SPTB: variants seen among roughly 807,000 people sequenced by gnomAD.
SPTB encodes the protein spectrin beta chain, erythrocytic.
A neutral mutation model predicts 256.2 loss-of-function variants in SPTB; 45 were observed. The ratio of observed to expected loss-of-function variants is 0.18; its 90% CI spans 0.14 to 0.23. SPTB has a LOEUF of 0.23. Ranked by LOEUF, SPTB falls within the 10% of genes least tolerant of loss-of-function variation. The pLI, the probability that SPTB is intolerant of heterozygous loss-of-function variation, is 1.00. For synonymous variants in SPTB, 1,231 were observed against 1,243.1 expected, an observed-to-expected ratio of 0.99 and a Z score of 0.21; for missense variants, 2,715 against 3,040.4, an observed-to-expected ratio of 0.89 and a Z score of 2.52.
chr14:64,749,030 G>A lies in SPTB; in HGVS notation c.*276C>T, dbSNP rs1447033362. ...AGGAGGGCGTGTGCCTCAGAGAACC[G>A]TTTCCTGCCCCCAGGCCTGGAGGCC... On this transcript the variant is annotated 3_prime_UTR_variant, in exon 36 of 36. Transcript: ENST00000644917. This position sits in a 1 kb window ranked among gnomAD's most constrained non-coding sequence, Gnocchi z 4.7. 3 of 352,954 alleles carry A rather than the reference G, an allele frequency of 8.5e-6. No individual in the cohort carries two copies. Among genetic ancestry groups the A allele is most frequent in the Non-Finnish European group, 1.6e-5 (3 of 193,402 alleles). 21.9% of individuals were successfully genotyped at this position (352,954 alleles called of 1,614,324 possible).
chr14:64,776,804 T>G (rs1401567075), intron 22 of SPTB, among the ~76,000 whole-genome samples: 3 of 152,184 alleles, frequency 2.0e-5, no homozygotes, highest in Admixed American at 2.0e-4. Flanking sequence ...GTACTTACAT[T>G]TAAAGTCTTC....
Position 64,772,804 on chromosome 14 carries a change from C to T in SPTB, c.5329G>A (p.Glu1777Lys), listed in dbSNP as rs763816993. 3.1e-6 allele frequency: 5 copies of T among 1,613,982 alleles called. No homozygotes were observed. The highest frequency in any genetic ancestry group is 1.1e-5 in the South Asian group (1 of 91,090). ...TIAEWKDGLN[E>K]MWADLLELID... ...AGCTCCAGGAGGTCTGCCCACATCT[C>T]GTTCAGCCCGTCCTTCCACTCGGCG... Residue 1777 changes from glutamate to lysine, a missense_variant, in exon 26 of 36, where the codon GAG becomes AAG. By Grantham distance (56) the Glu-to-Lys change is moderately conservative. Coordinates refer to ENST00000644917, the MANE Select transcript of SPTB (RefSeq NM_001355436.2). The surrounding 1 kb of genome is among the most constrained non-coding windows in gnomAD (Gnocchi z 5.4).
chr14:64,847,886 C>A lies in SPTB; in HGVS notation c.-51-24741G>T, dbSNP rs2083717386. On this transcript the variant is annotated intron_variant, in intron 1 of 35. Coordinates refer to ENST00000644917, the MANE Select transcript of SPTB (RefSeq NM_001355436.2). This position sits in a 1 kb window ranked among gnomAD's most constrained non-coding sequence, Gnocchi z 5.9. ...CCATCCGGAGTGAGACAAAGGGAGG[C>A]ACTCCACACCTCCGCTTCCTCCACT... Among the ~76,000 whole-genome samples the A allele has an allele frequency of 6.6e-6, 1 of 152,136 alleles. No individual in the cohort carries two copies. Among genetic ancestry groups the A allele is most frequent in the Non-Finnish European group, 1.5e-5 (1 of 68,012 alleles).
chr14:64,879,318 C>T (rs949303521), intron 1 of SPTB, among the ~76,000 whole-genome samples: 1 of 152,192 alleles, frequency 6.6e-6, no homozygotes, highest in African/African-American at 2.4e-5. Context: ...CCGAGGAGAG[C>T]GCAGCCAAGT....
intron 2 of SPTB, among the ~76,000 whole-genome samples, chr14:64,817,674 G>A (rs1239010590): frequency 1.3e-5 from 2 of 152,226 alleles, no homozygotes; most frequent in Non-Finnish European, 2.9e-5. Flanking sequence ...CTAGGCAACT[G>A]GGGCACCTGA....
At chr14:64,837,635 C>G (rs1229569743) in intron 1 of SPTB, among the ~76,000 whole-genome samples, 1 of 152,096 alleles carries the variant, frequency 6.6e-6, no homozygotes, top group Non-Finnish European at 1.5e-5. Flanking sequence ...GAGTTTTGCT[C>G]TTGTTGCCCA....
intron 2 of SPTB, among the ~76,000 whole-genome samples, chr14:64,814,798 G>A (rs759171676): frequency 5.3e-5 from 8 of 152,226 alleles, no homozygotes; most frequent in African/African-American, 9.7e-5. Context: ...GAGCCACTGC[G>A]TCCAGCTCCT....
At chr14:64,783,688 T>G (rs1048649404) in intron 19 of SPTB, among the ~76,000 whole-genome samples, 4 of 152,210 alleles carry the variant, frequency 2.6e-5, no homozygotes, top group African/African-American at 9.7e-5. Flanking sequence ...TGCTTTTTCA[T>G]GGACAGCCAT....
chr14:64,804,383 C>T (rs1444901061), intron 3 of SPTB, among the ~76,000 whole-genome samples: 2 of 152,200 alleles, frequency 1.3e-5, no homozygotes, highest in Admixed American at 6.5e-5. Context: ...GTATCATTGC[C>T]CTCATTTTAC....
intron 33 of SPTB, among the ~76,000 whole-genome samples, chr14:64,751,369 C>T (rs1168989360): frequency 6.6e-6 from 1 of 152,092 alleles, no homozygotes; most frequent in Non-Finnish European, 1.5e-5. Context: ...ATCCACCCAC[C>T]TCAGCCTCCC....
intron 1 of SPTB, among the ~76,000 whole-genome samples, chr14:64,878,989 T>C (rs1220013029): frequency 1.3e-5 from 2 of 152,192 alleles, no homozygotes; most frequent in East Asian, 1.9e-4. Context: ...GCCTGGGAAG[T>C]ACGGATGAGT....
At chr14:64,867,859 CAAAAAAAAAAAA>C (rs35825614) in intron 1 of SPTB, among the ~76,000 whole-genome samples, 3 of 124,078 alleles carry the variant, frequency 2.4e-5, no homozygotes, top group Admixed American at 1.5e-4. Flanking sequence ...GACTCTGTCT[CAAAAAAAAAAAA>C]AAAAAAAAAA....
chr14:64,763,672 A>C, intron 32 of SPTB: 1 of 513,404 alleles, frequency 1.9e-6, no homozygotes, highest in South Asian at 1.4e-5. Flanking sequence ...TAAGGACTAG[A>C]ACCCAGATGT....
intron 1 of SPTB, among the ~76,000 whole-genome samples, chr14:64,870,715 G>T (rs555495302): frequency 1.1e-4 from 16 of 152,366 alleles, no homozygotes; most frequent in Admixed American, 8.5e-4. Flanking sequence ...TATTAAAATT[G>T]CATGGACGGG....
Position 64,797,208 on chromosome 14 carries a change from C to T in SPTB, c.1183-493G>A, listed in dbSNP as rs189014160. Among the ~76,000 whole-genome samples the T allele has an allele frequency of 2.1e-3, 315 of 152,162 alleles. 2 individuals carry two copies. The highest frequency in any genetic ancestry group is 5.2e-3 in the East Asian group (27 of 5,180). ...GACTCGGAGGCTGGGTGTGATGGCT[C>T]ACACGTGTAATCTCAGCACTTTGGG... On this transcript the variant is annotated intron_variant, in intron 10 of 35. Transcript: ENST00000644917.
At position 64,769,054 on chromosome 14, in the gene SPTB, C is replaced by G; in HGVS notation, c.6002G>C (p.Arg2001Pro). Residue 2001 changes from arginine (R) to proline (P), a missense_variant, in exon 29 of 36, where the codon CGC becomes CCC. By Grantham distance (103) the Arg-to-Pro change is moderately radical. Around this residue, in one of 4 missense-constraint regions of SPTB, gnomAD observed 2,239 missense variants for 2,384.4 expected, o/e 0.94. Coordinates refer to ENST00000644917, the MANE Select transcript of SPTB (RefSeq NM_001355436.2). ...RKEMNEKWEA[R>P]WERLRMLLEV... ...CTCACACATGCGGAGCCGCTCCCAG[C>G]GGGCTTCCCACTTCTCATTCATCTC... The G allele has an allele frequency of 6.2e-7, 1 of 1,613,460 alleles. No individual in the cohort carries two copies.
intron 32 of SPTB, chr14:64,756,194 GTC>G (rs1451509448): frequency 6.6e-6 from 1 of 152,210 alleles, no homozygotes; most frequent in African/African-American, 2.4e-5. Context: ...AGAGTGTATT[GTC>G]TCTGCTGCTA....
chr14:64,867,713 G>T (rs565989725), intron 1 of SPTB, among the ~76,000 whole-genome samples: 1 of 152,152 alleles, frequency 6.6e-6, no homozygotes, highest in South Asian at 2.1e-4. Flanking sequence ...AATTACCCGG[G>T]CATGGTGGCG....
At chr14:64,767,155 T>C (rs866782252) in intron 31 of SPTB, 148 bp downstream of exon 31, 1 of 1,074,104 alleles carries the variant, frequency 9.3e-7, no homozygotes, top group Non-Finnish European at 1.4e-6. Flanking sequence ...TCTGCGCTCA[T>C]GCTCAGGCAC....
Sources: gnomAD v4.1 joint callset for allele counts (sites outside exome capture counted in the v4.1 genomes callset) on GRCh38, gnomAD v4.1.1 for gene constraint, gnomAD v4.1.1 regional missense constraint, Gnocchi (gnomAD v3.1) non-coding constraint, MANE v1.5 for transcripts, NCBI Gene and HGNC (gene_info 2026-07-23, HGNC 2026-07-21) for gene names.